The following RASGRF2 variants were observed in gnomAD, a reference collection of about 807,000 sequenced individuals.
The protein encoded by RASGRF2 is ras-specific guanine nucleotide-releasing factor 2.
A neutral mutation model predicts 151.0 loss-of-function variants in RASGRF2; 76 were observed. The ratio of observed to expected loss-of-function variants is 0.50; its 90% CI spans 0.42 to 0.61. The LOEUF (loss-of-function observed/expected upper bound fraction) is 0.61, where lower values mean the gene tolerates loss of function less well. RASGRF2 is among the 20% of genes least tolerant of loss of function. The pLI is 0.00. For missense variants in RASGRF2, 1,148 were observed against 1,564.6 expected (o/e 0.73, Z 4.49); for synonymous variants, 504 against 566.5 (o/e 0.89, Z 1.57).
chr5:81,134,346 T>C (rs1359087702), intron 17 of RASGRF2, among the ~76,000 whole-genome samples: 4 of 151,852 alleles, frequency 2.6e-5, no homozygotes, highest in Non-Finnish European at 5.9e-5. Flanking sequence ...GGTGTAGATA[T>C]GGTAGGTGGG....
At chr5:81,178,696 T>A (rs911776998) in intron 17 of RASGRF2, among the ~76,000 whole-genome samples, 7 of 151,972 alleles carry the variant, frequency 4.6e-5, no homozygotes, top group Admixed American at 2.6e-4. Context: ...TCGAGTAGGA[T>A]GTAGAGAGAA....
At chr5:81,139,681 A>G (rs951295200) in intron 17 of RASGRF2, among the ~76,000 whole-genome samples, 1 of 152,058 alleles carries the variant, frequency 6.6e-6, no homozygotes, top group Non-Finnish European at 1.5e-5. Flanking sequence ...AAGCAGGGGA[A>G]CTATACACTG....
At chr5:81,025,197 G>A (rs533489328) in intron 1 of RASGRF2, among the ~76,000 whole-genome samples, 3 of 152,310 alleles carry the variant, frequency 2.0e-5, no homozygotes, top group South Asian at 4.1e-4. Flanking sequence ...CCTTGCAGCC[G>A]GCTCTAAGAC....
At chr5:81,092,346 G>A (rs1287640165) in intron 9 of RASGRF2, among the ~76,000 whole-genome samples, 1 of 151,736 alleles carries the variant, frequency 6.6e-6, no homozygotes, top group Non-Finnish European at 1.5e-5. Flanking sequence ...AAAATACAAG[G>A]TAAACTGTAT....
intron 17 of RASGRF2, among the ~76,000 whole-genome samples, chr5:81,176,944 G>A (rs967381562): frequency 1.3e-5 from 2 of 151,960 alleles, no homozygotes; most frequent in Admixed American, 6.6e-5. Context: ...TCCCTGTTAC[G>A]TTCTTTTATG....
At chr5:81,167,780 G>C (rs1754547029) in intron 17 of RASGRF2, among the ~76,000 whole-genome samples, 1 of 152,144 alleles carries the variant, frequency 6.6e-6, no homozygotes, top group South Asian at 2.1e-4. Flanking sequence ...GAGCAACGAA[G>C]AGCATGACTG....
At chr5:81,149,534 C>G (rs910470849) in intron 17 of RASGRF2, among the ~76,000 whole-genome samples, 4 of 151,992 alleles carry the variant, frequency 2.6e-5, no homozygotes, top group Non-Finnish European at 5.9e-5. Context: ...TTGTACACTA[C>G]TTGGTGATGG....
At chr5:81,215,657 G>GGC (rs1755721173) in intron 23 of RASGRF2, among the ~76,000 whole-genome samples, 1 of 152,116 alleles carries the variant, frequency 6.6e-6, no homozygotes, top group Non-Finnish European at 1.5e-5. Context: ...GGCTAAATGT[G>GGC]TAGATACAGG....
chr5:81,032,832 A>C (rs1440635856), intron 1 of RASGRF2, among the ~76,000 whole-genome samples: 3 of 152,172 alleles, frequency 2.0e-5, no homozygotes, highest in African/African-American at 4.8e-5. Flanking sequence ...AAGGGTATTC[A>C]ATTAGGAAAA....
intron 12 of RASGRF2, among the ~76,000 whole-genome samples, chr5:81,100,381 C>T (rs1323516798): frequency 1.3e-5 from 2 of 152,090 alleles, no homozygotes; most frequent in South Asian, 2.1e-4. Flanking sequence ...AGACTTTTAG[C>T]TTTGCCAGGT....
intron 18 of RASGRF2, among the ~76,000 whole-genome samples, chr5:81,182,248 G>T (rs1483672817): frequency 6.6e-6 from 1 of 152,148 alleles, no homozygotes; most frequent in African/African-American, 2.4e-5. Flanking sequence ...CCTCACCATT[G>T]GGTAAAATAC....
intron 18 of RASGRF2, among the ~76,000 whole-genome samples, chr5:81,187,422 T>G (rs942266515): frequency 6.6e-6 from 1 of 152,216 alleles, no homozygotes; most frequent in Non-Finnish European, 1.5e-5. Flanking sequence ...TCAAAATTCC[T>G]TCCAGTCTCC....
intron 1 of RASGRF2, among the ~76,000 whole-genome samples, chr5:81,030,278 C>T (rs1242026243): frequency 6.6e-6 from 1 of 152,126 alleles, no homozygotes; most frequent in Non-Finnish European, 1.5e-5. Context: ...GGCCAACATT[C>T]AAATTCAGGA....
At chr5:81,123,618 A>C (rs1341026276) in intron 15 of RASGRF2, 24 bp from the exon 16 acceptor site, 2 of 1,602,038 alleles carry the variant, frequency 1.2e-6, no homozygotes, top group Non-Finnish European at 1.7e-6. Context: ...CCTGGTTGTT[A>C]AAATTCATGA....
chr5:81,148,674 TG>T (rs944820343), intron 17 of RASGRF2, among the ~76,000 whole-genome samples: 1 of 77,858 alleles, frequency 1.3e-5, no homozygotes, highest in African/African-American at 4.4e-5. Context: ...GGGACTGTTG[TG>T]GGGTGGGGGG....
rs544929249 is a variant in RASGRF2, at chr5:81,161,141, G to A, written c.2687-19034G>A. ...TCCTAAGAAGAACACTTATGTGTGAGGTTGTCACTGTGATCACCGGATTCA... is the reference window on the plus strand; with the variant it reads ...TCCTAAGAAGAACACTTATGTGTGAAGTTGTCACTGTGATCACCGGATTCA... On this transcript the variant is annotated intron_variant, in intron 17 of 26. Transcript: ENST00000265080. 9.8e-5 allele frequency among the ~76,000 whole-genome samples: 15 copies of A among 152,310 alleles called. No homozygotes were observed. In the South Asian group the frequency reaches 3.1e-3, roughly 32 times the overall value.
At chr5:81,203,666 C>T (rs1027053521) in intron 19 of RASGRF2, among the ~76,000 whole-genome samples, 29 of 152,302 alleles carry the variant, frequency 1.9e-4, no homozygotes, top group African/African-American at 6.0e-4. Context: ...AATCTTGGCT[C>T]GGCCATTTAT....
chr5:81,206,736 A>AC, intron 19 of RASGRF2, 109 bp from the exon 20 acceptor site: 1 of 868,674 alleles, frequency 1.2e-6, no homozygotes, highest in Non-Finnish European at 1.9e-6. Context: ...GGCCTTGTAG[A>AC]CCCAAATCCT....
At chr5:81,011,535 A>C (rs901732130) in intron 1 of RASGRF2, among the ~76,000 whole-genome samples, 1 of 152,132 alleles carries the variant, frequency 6.6e-6, no homozygotes, top group African/African-American at 2.4e-5. Context: ...TGAAGTTGGG[A>C]GTTTGAGACT....
Sources: allele counts gnomAD v4.1 joint callset (sites outside exome capture counted in the v4.1 genomes callset), GRCh38; gene constraint gnomAD v4.1.1; transcripts MANE v1.5; gene names NCBI Gene and HGNC (gene_info 2026-07-23, HGNC 2026-07-21).